The following LINGO2 variants were observed in gnomAD, a reference collection of about 807,000 sequenced individuals.
The protein encoded by LINGO2 is leucine-rich repeat and immunoglobulin-like domain-containing nogo receptor-interacting protein 2.
LINGO2 carries 14 observed loss-of-function variants against 30.6 expected under a neutral mutation model. The ratio of observed to expected loss-of-function variants is 0.46; its 90% CI spans 0.30 to 0.72. The LOEUF is 0.72. LINGO2 is among the 30% of genes least tolerant of loss of function. The probability of loss-of-function intolerance (pLI) is 0.07; values close to 1 mark genes in which losing one functional copy is unlikely to be tolerated. For synonymous variants in LINGO2, 317 were observed against 288.5 expected, an observed-to-expected ratio of 1.10 and a Z score of -1.00; for missense variants, 729 against 751.7, an observed-to-expected ratio of 0.97 and a Z score of 0.35.
chr9:28,271,176 A>G (rs1564086793), intron 4 of LINGO2, among the ~76,000 whole-genome samples: 1 of 151,932 alleles, frequency 6.6e-6, no homozygotes, highest in Non-Finnish European at 1.5e-5. Context: ...AAACACAAAA[A>G]ACTTAGAACT....
At chr9:28,321,632 A>G (rs1825045332) in intron 3 of LINGO2, among the ~76,000 whole-genome samples, 1 of 152,230 alleles carries the variant, frequency 6.6e-6, no homozygotes, top group African/African-American at 2.4e-5. Context: ...TTCAAAGCAG[A>G]GAAGTGCTAT....
At chr9:28,423,283 A>G (rs58715159) in intron 2 of LINGO2, among the ~76,000 whole-genome samples, 19,295 of 152,092 alleles carry the variant, frequency 0.13, 1,417 homozygotes, top group East Asian at 0.24. Context: ...TCCTAAGACT[A>G]CATGTCAGAA....
intron 4 of LINGO2, among the ~76,000 whole-genome samples, chr9:28,233,707 A>C (rs1420307859): frequency 6.6e-6 from 1 of 152,172 alleles, no homozygotes; most frequent in African/African-American, 2.4e-5. Flanking sequence ...GAGGAGAGTG[A>C]AGACAAAAGA....
chr9:28,456,913 G>C (rs939019595), intron 2 of LINGO2, among the ~76,000 whole-genome samples: 5 of 152,064 alleles, frequency 3.3e-5, no homozygotes, highest in Admixed American at 6.6e-5. Context: ...ATAATATTTG[G>C]CTATTTTTAC....
At chr9:27,990,117 C>A (rs1821320463) in intron 5 of LINGO2, among the ~76,000 whole-genome samples, 1 of 152,006 alleles carries the variant, frequency 6.6e-6, no homozygotes. Context: ...CTGCTTACTT[C>A]ATTTTAACTG....
In LINGO2 at chr9:28,441,089, C is replaced by T. The variant is rs114619621; in HGVS notation, c.-279+34851G>A. Among the ~76,000 whole-genome samples the T allele has an allele frequency of 3.3e-3, 498 of 152,058 alleles. 4 individuals are homozygous for T. Among genetic ancestry groups the T allele is most frequent in the African/African-American group, 0.011 (458 of 41,484 alleles). Reference sequence around the variant, plus strand: ...TTGAGACTTACTTCACTTTCTTGCCCTCTCACAGTTTTTTTCTACCTTCCT... The same window carrying T: ...TTGAGACTTACTTCACTTTCTTGCCTTCTCACAGTTTTTTTCTACCTTCCT... On this transcript the variant is annotated intron_variant, in intron 2 of 5. Coordinates refer to ENST00000379992, the Ensembl canonical transcript of LINGO2.
the LINGO2 span, among the ~76,000 whole-genome samples, chr9:28,846,203 T>C: frequency 6.6e-6 from 1 of 151,526 alleles, no homozygotes; most frequent in Non-Finnish European, 1.5e-5. Context: ...TTAAGTGAAT[T>C]TAGGGATAAA....
At chr9:29,211,927 C>G in the LINGO2 span, among the ~76,000 whole-genome samples, 1 of 152,162 alleles carries the variant, frequency 6.6e-6, no homozygotes, top group Admixed American at 6.5e-5. Context: ...TTCGAATACA[C>G]ATACAACAGA....
At chr9:28,358,135 C>T (rs890236435) in intron 3 of LINGO2, among the ~76,000 whole-genome samples, 1 of 152,102 alleles carries the variant, frequency 6.6e-6, no homozygotes, top group Non-Finnish European at 1.5e-5. Context: ...TTAGTAATAA[C>T]CATAACAGTA....
chr9:28,581,411 A>T (rs1824252832), intron 1 of LINGO2, among the ~76,000 whole-genome samples: 2 of 151,764 alleles, frequency 1.3e-5, no homozygotes, highest in South Asian at 2.1e-4. Context: ...AGTGTATAGA[A>T]ACTTTTAAAA....
intron 4 of LINGO2, among the ~76,000 whole-genome samples, chr9:28,252,294 T>C (rs537503673): frequency 3.9e-5 from 6 of 152,194 alleles, no homozygotes; most frequent in African/African-American, 4.8e-5. Flanking sequence ...GGTGTGATCT[T>C]GGCTCACTGC....
chr9:28,334,687 G>C (rs1019502060), intron 3 of LINGO2, among the ~76,000 whole-genome samples: 3 of 152,238 alleles, frequency 2.0e-5, no homozygotes, highest in African/African-American at 7.2e-5. Context: ...CCATGAAACA[G>C]TGGCAACATT....
chr9:29,150,602 C>A, the LINGO2 span, among the ~76,000 whole-genome samples: 1 of 152,136 alleles, frequency 6.6e-6, no homozygotes, highest in Non-Finnish European at 1.5e-5. Flanking sequence ...CTGAAAAATT[C>A]ACGGCAAGAA....
At chr9:28,398,596 G>A (rs1485592803) in intron 2 of LINGO2, among the ~76,000 whole-genome samples, 1 of 151,932 alleles carries the variant, frequency 6.6e-6, no homozygotes, top group East Asian at 1.9e-4. Context: ...ATATGCAGTT[G>A]GGGCCAACAG....
the LINGO2 span, among the ~76,000 whole-genome samples, chr9:28,779,839 T>C: frequency 6.6e-6 from 1 of 152,288 alleles, no homozygotes; most frequent in African/African-American, 2.4e-5. Context: ...GACTCACAGA[T>C]GGCATGTTAT....
At chr9:28,403,261 G>A (rs1179671632) in intron 2 of LINGO2, among the ~76,000 whole-genome samples, 1 of 152,108 alleles carries the variant, frequency 6.6e-6, no homozygotes, top group African/African-American at 2.4e-5. Flanking sequence ...TTGGAGTAGT[G>A]CAAAGAGAGG....
the LINGO2 span, among the ~76,000 whole-genome samples, chr9:29,085,646 G>A: frequency 1.3e-5 from 2 of 152,074 alleles, no homozygotes; most frequent in Non-Finnish European, 2.9e-5. Flanking sequence ...TTTACTCTTA[G>A]AAGCCCTATC....
the LINGO2 span, among the ~76,000 whole-genome samples, chr9:29,168,754 G>A: frequency 6.6e-6 from 1 of 152,138 alleles, no homozygotes; most frequent in East Asian, 1.9e-4. Flanking sequence ...ACACTGATAA[G>A]ACAGATACTT....
At chr9:28,355,333 GTCTCTCTC>G (rs372527860) in intron 3 of LINGO2, among the ~76,000 whole-genome samples, 1 of 63,764 alleles carries the variant, frequency 1.6e-5, no homozygotes, top group African/African-American at 4.9e-5. Flanking sequence ...CTCTGTCTCT[GTCTCTCTC>G]TCTCTCTCTC....
Sources: gnomAD v4.1 joint callset for allele counts (sites outside exome capture counted in the v4.1 genomes callset) on GRCh38, gnomAD v4.1.1 for gene constraint, MANE v1.5 for transcripts, NCBI Gene and HGNC (gene_info 2026-07-23, HGNC 2026-07-21) for gene names.